NSD2: variants seen among roughly 807,000 people sequenced by gnomAD.
NSD2 encodes the protein histone-lysine N-methyltransferase NSD2.
A neutral mutation model predicts 139.0 loss-of-function variants in NSD2; 12 were observed. The ratio of observed to expected loss-of-function variants is 0.09; its 90% confidence interval spans 0.06 to 0.14. The LOEUF (loss-of-function observed/expected upper bound fraction) is 0.14. Ranked by LOEUF, NSD2 falls within the 10% of genes least tolerant of loss-of-function variation. The probability of loss-of-function intolerance (pLI) is 1.00; values close to 1 mark genes in which losing one functional copy is unlikely to be tolerated. For missense variants in NSD2, 1,155 were observed against 1,745.0 expected, an observed-to-expected ratio of 0.66 and a Z score of 6.02; for synonymous variants, 669 against 648.7, an observed-to-expected ratio of 1.03 and a Z score of -0.48.
chr4:1,872,583 TGTGTGTGTGA>T (rs1323553852), intron 1 of NSD2, among the ~76,000 whole-genome samples: 1 of 62,692 alleles, frequency 1.6e-5, no homozygotes, highest in African/African-American at 5.4e-5. Context: ...TGTGTGTGTG[TGTGTGTGTGA>T]GAGAGAGAGA....
At position 1,979,331 on chromosome 4, in the gene NSD2, C is replaced by T; in HGVS notation, c.*422C>T. On this transcript the variant is annotated 3_prime_UTR_variant, in exon 22 of 22. Transcript: ENST00000508803. ...GTTGCCCCCTTTCTGGCTCTCAGCGCCGTCGCCACTCGGGAGAGGCTGGGT... is the reference window on the plus strand; with the variant it reads ...GTTGCCCCCTTTCTGGCTCTCAGCGTCGTCGCCACTCGGGAGAGGCTGGGT... The T allele has an allele frequency of 4.2e-6, 1 of 240,194 alleles. No individual in the cohort carries two copies. The highest frequency in any genetic ancestry group is 8.1e-6 in the Non-Finnish European group (1 of 123,134). 14.9% of individuals were successfully genotyped at this position (240,194 alleles called of 1,614,324 possible).
chr4:1,965,571 T>C (rs1725800963), intron 18 of NSD2, among the ~76,000 whole-genome samples: 3 of 152,306 alleles, frequency 2.0e-5, no homozygotes, highest in South Asian at 4.1e-4. Flanking sequence ...AAAAGAATCT[T>C]GAAAACCGCA....
Position 1,980,091 on chromosome 4 carries a change from G to A in NSD2, c.*1182G>A, listed in dbSNP as rs933913063. 10 of 233,272 alleles carry A rather than the reference G, an allele frequency of 4.3e-5. No individual in the cohort carries two copies. The highest frequency in any genetic ancestry group is 1.2e-4 in the East Asian group (2 of 16,596). 14.5% of individuals were successfully genotyped at this position (233,272 alleles called of 1,614,324 possible). A position where few individuals can be genotyped will look rare whatever the true frequency, so the allele number is the denominator to read the frequency against. ...TGCCAGGGCACCTACTGAGAGGTGCGGTCCTGGGGGTGGAGGCCTGCCTGG... is the reference window on the plus strand; with the variant it reads ...TGCCAGGGCACCTACTGAGAGGTGCAGTCCTGGGGGTGGAGGCCTGCCTGG... On this transcript the variant is annotated 3_prime_UTR_variant, in exon 22 of 22. Coordinates refer to ENST00000508803, the MANE Select transcript of NSD2 (RefSeq NM_001042424.3).
intron 9 of NSD2, among the ~76,000 whole-genome samples, chr4:1,949,015 G>A (rs535231252): frequency 1.3e-5 from 2 of 152,344 alleles, no homozygotes; most frequent in East Asian, 3.9e-4. Context: ...CAGCTTGGGC[G>A]ACTGTGTGGG....
intron 7 of NSD2, among the ~76,000 whole-genome samples, chr4:1,935,747 G>A (rs113260836): frequency 0.02 from 3,063 of 152,134 alleles, 72 homozygotes; most frequent in African/African-American, 0.057. Context: ...TGTAATCCCA[G>A]CTACTCAAGA....
chr4:1,961,009 C>T (rs553444416), intron 17 of NSD2, 26 bp from the exon 18 acceptor site: 2 of 1,597,956 alleles, frequency 1.3e-6, no homozygotes, highest in Non-Finnish European at 1.7e-6. Context: ...CGCTTTTTGT[C>T]ATGGCCACAT....
At chr4:1,882,336 C>A (rs1241462387) in intron 1 of NSD2, among the ~76,000 whole-genome samples, 1 of 152,184 alleles carries the variant, frequency 6.6e-6, no homozygotes, top group Admixed American at 6.5e-5. Context: ...TTGTTTCTGA[C>A]TGTGGAAACA....
At chr4:1,931,775 T>G (rs1462309510) in intron 6 of NSD2, among the ~76,000 whole-genome samples, 1 of 152,214 alleles carries the variant, frequency 6.6e-6, no homozygotes, top group African/African-American at 2.4e-5. Flanking sequence ...TTGCAAATAC[T>G]ATAATTTAGA....
At chr4:1,889,604 C>G (rs947133190) in intron 1 of NSD2, among the ~76,000 whole-genome samples, 1 of 151,676 alleles carries the variant, frequency 6.6e-6, no homozygotes. Flanking sequence ...TGAGTTCAAG[C>G]GATTCTCCTT....
In NSD2 at chr4:1,935,175, A is replaced by C. The variant is rs753713443; in HGVS notation, c.1587A>C (p.Thr529=). The change falls in exon 7 of 22, where the codon ACA becomes ACC. Residue 529 remains threonine, a synonymous_variant. Coordinates refer to ENST00000508803, the MANE Select transcript of NSD2 (RefSeq NM_001042424.3). Reference sequence around the variant, plus strand: ...TAAATGGGAAAAAAAGAAACCACACAAAGAGGATACAGGACCCTACAGAAG... The same window carrying C: ...TAAATGGGAAAAAAAGAAACCACACCAAGAGGATACAGGACCCTACAGAAG... ...GNVNGKKRNH[T]KRIQDPTEDA... 1 of 1,612,988 alleles carries C rather than the reference A, an allele frequency of 6.2e-7. No individual in the cohort carries two copies. The highest frequency in any genetic ancestry group is 8.5e-7 in the Non-Finnish European group (1 of 1,179,394).
chr4:1,886,942 G>A (rs924929447), intron 1 of NSD2, among the ~76,000 whole-genome samples: 4 of 152,090 alleles, frequency 2.6e-5, no homozygotes, highest in South Asian at 2.1e-4. Context: ...TTCTTAACCC[G>A]CCCCCTCTTA....
At chr4:1,965,939 G>C (rs921348424) in intron 18 of NSD2, among the ~76,000 whole-genome samples, 3 of 152,194 alleles carry the variant, frequency 2.0e-5, no homozygotes, top group African/African-American at 7.2e-5. Context: ...AATTCAAGAT[G>C]CGATTTGGGT....
chr4:1,918,996 G>C (rs180757123), intron 5 of NSD2: 1 of 189,354 alleles, frequency 5.3e-6, no homozygotes, highest in East Asian at 1.4e-4. Context: ...AAAATTAGCC[G>C]GGTGTGGTGG....
rs1577596342 is a variant in NSD2 at position 1,978,933 on chromosome 4, T to A, written c.*24T>A. 1.4e-6 allele frequency: 2 copies of A among 1,475,194 alleles called. No individual in the cohort carries two copies. Among genetic ancestry groups the A allele is most frequent in the East Asian group, 5.0e-5 (2 of 40,296 alleles). The allele number at this position is 1,475,194 out of a possible 1,614,324, so 91.4% of individuals were successfully genotyped here. On this transcript the variant is annotated 3_prime_UTR_variant, in exon 22 of 22. Coordinates refer to ENST00000508803, the MANE Select transcript of NSD2 (RefSeq NM_001042424.3). ...AGCGCCAGGCGGCCGCTTGGCCGGA[T>A]CCAGGGGCGGTGCAGGGCGGCCGGC...
At chr4:1,917,691 C>T (rs1719577663) in intron 4 of NSD2, among the ~76,000 whole-genome samples, 1 of 152,182 alleles carries the variant, frequency 6.6e-6, no homozygotes, top group Admixed American at 6.5e-5. Context: ...TCTGCCTCAG[C>T]CTCCACAGGT....
chr4:1,952,482 G>A (rs762163748), intron 11 of NSD2, among the ~76,000 whole-genome samples: 8 of 152,192 alleles, frequency 5.3e-5, no homozygotes, highest in Admixed American at 1.3e-4. Context: ...GCAGGGTGGC[G>A]GGATGACAGG....
In NSD2 at chr4:1,982,068, G is replaced by C. The variant is rs999652676; in HGVS notation, c.*3159G>C. Reference sequence around the variant, plus strand: ...TTAAAAACTTGAAATTCACTTTTTGGGGGGAGGGATATACTGAAATAGAGA... The same window carrying C: ...TTAAAAACTTGAAATTCACTTTTTGCGGGGAGGGATATACTGAAATAGAGA... On this transcript the variant is annotated 3_prime_UTR_variant, in exon 22 of 22. Transcript: ENST00000508803. The C allele has an allele frequency of 2.0e-4, 79 of 397,460 alleles. 2 individuals carry two copies. The highest frequency in any genetic ancestry group is 1.1e-3 in the Admixed American group (24 of 22,714). The allele number at this position is 397,460 out of a possible 1,614,324, so 24.6% of individuals were successfully genotyped here.
intron 5 of NSD2, among the ~76,000 whole-genome samples, chr4:1,925,758 AT>A (rs1720812553): frequency 6.7e-6 from 1 of 148,262 alleles, no homozygotes; most frequent in African/African-American, 2.6e-5. Flanking sequence ...TTCTTTTTAT[AT>A]ATCTATATAT....
intron 17 of NSD2, 140 bp downstream of exon 17, chr4:1,959,880 A>T: frequency 9.4e-7 from 1 of 1,064,156 alleles, no homozygotes; most frequent in Non-Finnish European, 1.3e-6. Context: ...TTTTGTTTTG[A>T]GACAGGGTCT....
Sources: allele counts gnomAD v4.1 joint callset (sites outside exome capture counted in the v4.1 genomes callset), GRCh38; gene constraint gnomAD v4.1.1; transcripts MANE v1.5; gene names NCBI Gene and HGNC (gene_info 2026-07-23, HGNC 2026-07-21).